The following PARG variants were observed in gnomAD, a reference collection of about 807,000 sequenced individuals.
PARG encodes mitochondrial poly(ADP-ribose) glycohydrolase.
In PARG, 35 loss-of-function variants were observed where a neutral mutation model predicts 113.0. The observed-to-expected ratio is 0.31, with a 90% confidence interval of 0.24 to 0.41. The LOEUF (loss-of-function observed/expected upper bound fraction) is 0.41, where lower values mean the gene tolerates loss of function less well. PARG is among the 10% of genes least tolerant of loss of function. The probability of loss-of-function intolerance (pLI) is 1.00; values close to 1 mark genes in which losing one functional copy is unlikely to be tolerated. For missense variants in PARG, 797 were observed against 1,169.4 expected, an observed-to-expected ratio of 0.68 and a Z score of 4.64; for synonymous variants, 330 against 409.9, an observed-to-expected ratio of 0.81 and a Z score of 2.36.
At chr10:49,903,569 G>T (rs1190598326) in intron 7 of PARG, among the ~76,000 whole-genome samples, 2 of 152,084 alleles carry the variant, frequency 1.3e-5, no homozygotes, top group African/African-American at 4.8e-5. Context: ...ACATTTCGTG[G>T]CTATATGATG....
chr10:49,888,466 T>C (rs1847606802), intron 7 of PARG, among the ~76,000 whole-genome samples: 1 of 152,206 alleles, frequency 6.6e-6, no homozygotes, highest in Non-Finnish European at 1.5e-5. Flanking sequence ...TGGTTTCCTC[T>C]TCCTTTCTGA....
intron 11 of PARG, among the ~76,000 whole-genome samples, chr10:49,864,448 GT>G (rs1454732196): frequency 6.6e-6 from 1 of 151,290 alleles, no homozygotes; most frequent in South Asian, 2.1e-4. Flanking sequence ...TCAAGTTAAC[GT>G]TTTTTTAAGT....
intron 9 of PARG, among the ~76,000 whole-genome samples, chr10:49,878,532 C>T (rs528738966): frequency 2.0e-5 from 3 of 146,366 alleles, no homozygotes; most frequent in African/African-American, 5.0e-5. Flanking sequence ...AAAGGAGAAT[C>T]GCTTGAACCC....
intron 15 of PARG, among the ~76,000 whole-genome samples, chr10:49,836,212 A>G (rs1418233229): frequency 6.7e-6 from 1 of 150,244 alleles, no homozygotes; most frequent in Non-Finnish European, 1.5e-5. Context: ...TTACTCATTT[A>G]TATGAAATCA....
At chr10:49,853,194 C>A (rs1376874400) in intron 13 of PARG, among the ~76,000 whole-genome samples, 1 of 151,590 alleles carries the variant, frequency 6.6e-6, no homozygotes, top group African/African-American at 2.4e-5. Context: ...CCACCAGGCC[C>A]AGCTAATTTT....
Position 49,869,565 on chromosome 10 carries a change from A to T in PARG, c.1989-10T>A. 1 of 1,340,152 alleles carries T rather than the reference A, an allele frequency of 7.5e-7. No homozygotes were observed. Among genetic ancestry groups the T allele is most frequent in the Non-Finnish European group, 1.1e-6 (1 of 951,446 alleles). 83.0% of individuals were successfully genotyped at this position (1,340,152 alleles called of 1,614,324 possible). A position where few individuals can be genotyped will look rare whatever the true frequency, so the allele number is the denominator to read the frequency against. ...ACGTCCCTCAAACAATCTAAGAGAT[A>T]AAAAATAAAAGAGAATGGAAGATAA... On this transcript the variant is annotated splice_polypyrimidine_tract_variant and intron_variant, in intron 9 of 17. Transcript: ENST00000616448.
At chr10:49,896,628 G>A (rs1554842824) in intron 7 of PARG, among the ~76,000 whole-genome samples, 1 of 152,040 alleles carries the variant, frequency 6.6e-6, no homozygotes, top group African/African-American at 2.4e-5. Context: ...ATTTTGTCAG[G>A]TGCTTATTCT....
chr10:49,879,052 G>C (rs1847093036), intron 9 of PARG, among the ~76,000 whole-genome samples: 1 of 152,146 alleles, frequency 6.6e-6, no homozygotes, highest in African/African-American at 2.4e-5. Context: ...AAAATGGCTG[G>C]AATCTAGAAC....
chr10:49,823,519 G>C (rs1475845026), intron 16 of PARG, among the ~76,000 whole-genome samples: 6 of 152,084 alleles, frequency 3.9e-5, no homozygotes, highest in Non-Finnish European at 1.5e-5. Context: ...AGTATTGAAA[G>C]TAATTAACTT....
chr10:49,829,502 A>G (rs1285532935), intron 16 of PARG, among the ~76,000 whole-genome samples: 4 of 152,186 alleles, frequency 2.6e-5, no homozygotes, highest in Non-Finnish European at 1.5e-5. Context: ...TGTTACAAAA[A>G]CAATATATGC....
intron 16 of PARG, among the ~76,000 whole-genome samples, chr10:49,828,689 A>C (rs1176992897): frequency 1.3e-5 from 2 of 152,166 alleles, no homozygotes; most frequent in African/African-American, 4.8e-5. Flanking sequence ...ATAGTTGTCA[A>C]AGTAATGTAC....
intron 7 of PARG, among the ~76,000 whole-genome samples, chr10:49,888,683 G>A (rs1354141646): frequency 6.6e-6 from 1 of 152,206 alleles, no homozygotes; most frequent in Admixed American, 6.5e-5. Flanking sequence ...TGTAATTATA[G>A]TATGTCTTGG....
intron 13 of PARG, among the ~76,000 whole-genome samples, chr10:49,846,732 A>G (rs1173203375): frequency 6.7e-6 from 1 of 148,562 alleles, no homozygotes; most frequent in African/African-American, 2.5e-5. Flanking sequence ...ATCAATATAA[A>G]TTCACAGTTG....
intron 6 of PARG, among the ~76,000 whole-genome samples, chr10:49,917,780 T>C (rs1837029170): frequency 7.1e-6 from 1 of 141,330 alleles, no homozygotes; most frequent in African/African-American, 2.7e-5. Context: ...ATTGCACCAC[T>C]GCACTCCAGC....
chr10:49,916,346 G>A (rs1285029779), intron 6 of PARG, among the ~76,000 whole-genome samples: 5 of 152,048 alleles, frequency 3.3e-5, no homozygotes, highest in African/African-American at 4.8e-5. Flanking sequence ...CCTTGAAAGC[G>A]TCAGATTATA....
intron 4 of PARG, among the ~76,000 whole-genome samples, chr10:49,927,233 G>T (rs1838217086): frequency 6.6e-6 from 1 of 151,818 alleles, no homozygotes; most frequent in South Asian, 2.1e-4. Flanking sequence ...CTTGAACCTG[G>T]GAGGCAGAGG....
At chr10:49,846,142 C>G (rs1845495545) in intron 13 of PARG, among the ~76,000 whole-genome samples, 1 of 150,662 alleles carries the variant, frequency 6.6e-6, no homozygotes, top group East Asian at 1.9e-4. Context: ...AGGAATACTC[C>G]TTAGTAATAA....
intron 7 of PARG, among the ~76,000 whole-genome samples, chr10:49,891,583 T>C (rs1481944081): frequency 7.7e-6 from 1 of 129,450 alleles, no homozygotes; most frequent in Non-Finnish European, 1.6e-5. Flanking sequence ...CTCATAATCC[T>C]ATGGTCCATA....
At position 49,927,091 on chromosome 10, in the gene PARG, A is replaced by G. The variant is rs566346191; in HGVS notation, c.1456-4422T>C. ...TGGGAGGTTGAGGAGGGTGGATCACAAGGTTAAGAGATCAAGACCATCCTG... is the reference window on the plus strand; with the variant it reads ...TGGGAGGTTGAGGAGGGTGGATCACGAGGTTAAGAGATCAAGACCATCCTG... On this transcript the variant is annotated intron_variant, in intron 4 of 17. Coordinates refer to ENST00000616448, the MANE Select transcript of PARG (RefSeq NM_003631.5). Among the ~76,000 whole-genome samples, 197 of 152,036 alleles carry G rather than the reference A, an allele frequency of 1.3e-3. 1 individual carries two copies. Among genetic ancestry groups the G allele is most frequent in the African/African-American group, 4.5e-3 (186 of 41,468 alleles).
Sources: gnomAD v4.1 joint callset for allele counts (sites outside exome capture counted in the v4.1 genomes callset) on GRCh38, gnomAD v4.1.1 for gene constraint, MANE v1.5 for transcripts, NCBI Gene and HGNC (gene_info 2026-07-23, HGNC 2026-07-21) for gene names.